TSPAN19: variants seen among roughly 807,000 people sequenced by gnomAD.
TSPAN19 encodes tetraspanin 19, also known as tetraspanin-19.
Under a neutral mutation model 35.1 loss-of-function variants are expected in TSPAN19, and 44 were observed. The observed-to-expected ratio is 1.25, with a 90% CI of 0.98 to 1.61. The LOEUF (loss-of-function observed/expected upper bound fraction) is 1.61, where lower values mean the gene tolerates loss of function less well. Among genes scored for constraint, TSPAN19 ranks in the 40% most tolerant of loss-of-function variants. The pLI is 0.00. For missense variants in TSPAN19, 290 were observed against 280.0 expected (o/e 1.04, Z -0.26); for synonymous variants, 79 against 92.0 (o/e 0.86, Z 0.81).
intron 4 of TSPAN19, among the ~76,000 whole-genome samples, chr12:85,027,116 C>T (rs1877454511): frequency 6.6e-6 from 1 of 152,088 alleles, no homozygotes; most frequent in Non-Finnish European, 1.5e-5. Flanking sequence ...CAAGTCAGTA[C>T]TCTGGAATAT....
At chr12:85,014,952 A>G (rs1356291503) in intron 8 of TSPAN19, 1 of 155,604 alleles carries the variant, frequency 6.4e-6, no homozygotes, top group Non-Finnish European at 1.4e-5. Flanking sequence ...TAAAGGGCAG[A>G]AGATAAAATG....
At chr12:85,019,604 T>C in intron 6 of TSPAN19, 22 bp downstream of exon 6, 1 of 1,467,110 alleles carries the variant, frequency 6.8e-7, no homozygotes, top group South Asian at 1.1e-5. Context: ...GACATCTAAT[T>C]TTTTAGTTAA....
At chr12:85,032,465 G>C (rs1877730563) in intron 1 of TSPAN19, among the ~76,000 whole-genome samples, 1 of 152,152 alleles carries the variant, frequency 6.6e-6, no homozygotes, top group Admixed American at 6.6e-5. Context: ...ACATGGTATA[G>C]AAGTCAAAAG....
At chr12:85,034,191 C>T (rs543078362) in intron 1 of TSPAN19, among the ~76,000 whole-genome samples, 34 of 152,218 alleles carry the variant, frequency 2.2e-4, no homozygotes, top group African/African-American at 8.2e-4. Context: ...ATTACTTTTA[C>T]TCAATAATTA....
In TSPAN19 at chr12:85,023,365, C is replaced by A; in HGVS notation, c.300G>T (p.Gln100His). 6.3e-7 allele frequency: 1 copy of A among 1,589,318 alleles called. No individual in the cohort carries two copies. Among genetic ancestry groups the A allele is most frequent in the East Asian group, 2.3e-5 (1 of 44,162 alleles). The change falls in exon 5 of 9, where the codon CAG becomes CAT. Residue 100 changes from glutamine (Q) to histidine (H), a missense_variant. Physicochemically the swap from Gln to His is conservative, Grantham distance 24. Transcript: ENST00000532498. ...TGATGATGAATGCTGAAAGTACAAC[C>A]TGAACAGCAAAGGTCCATGTTATCA... ...AVLITWTFAV[Q>H]VVLSAFIITK...
rs538336759 is a variant in TSPAN19 at position 85,033,405 on chromosome 12, C to G, written c.-28+2799G>C. On this transcript the variant is annotated intron_variant, in intron 1 of 8. Coordinates refer to ENST00000532498, the MANE Select transcript of TSPAN19 (RefSeq NM_001100917.2). ...CGTAATTCTGGCCTCAATGTGGAAGCCAAATTAGAAAAGACACTTAAGATA... is the reference window on the plus strand; with the variant it reads ...CGTAATTCTGGCCTCAATGTGGAAGGCAAATTAGAAAAGACACTTAAGATA... 2.6e-5 allele frequency among the ~76,000 whole-genome samples: 4 copies of G among 151,396 alleles called. No individual in the cohort carries two copies. The East Asian group carries it at 7.8e-4, about 29-fold the overall frequency.
intron 5 of TSPAN19, among the ~76,000 whole-genome samples, chr12:85,019,951 T>C (rs542108400): frequency 1.3e-5 from 2 of 152,074 alleles, no homozygotes; most frequent in Admixed American, 1.3e-4. Flanking sequence ...GAAGAATATA[T>C]TAGGCTCATT....
At chr12:85,035,442 CAT>C (rs1396181527) in intron 1 of TSPAN19, among the ~76,000 whole-genome samples, 5 of 152,050 alleles carry the variant, frequency 3.3e-5, no homozygotes, top group African/African-American at 7.2e-5. Flanking sequence ...AGGAAACTAA[CAT>C]GTGTGCTTTT....
chr12:85,024,751 T>TGGGCCAC, intron 4 of TSPAN19: 1 of 146,680 alleles, frequency 6.8e-6, no homozygotes, highest in Non-Finnish European at 1.5e-5. Context: ...CACTCCAGCC[T>TGGGCCAC]AGTGACAGAG....
Position 85,029,976 on chromosome 12 carries a change from G to A in TSPAN19, c.-27-3C>T, listed in dbSNP as rs1877609984. On this transcript the variant is annotated splice_polypyrimidine_tract_variant and splice_region_variant and intron_variant, in intron 1 of 8. Transcript: ENST00000532498. ...TTTCTTCCAAGATATTGATGATTCT[G>A]AAAAGACAACCATAACTTTTTAAAC... The A allele has an allele frequency of 1.4e-6, 2 of 1,398,914 alleles. No homozygotes were observed. Among genetic ancestry groups the A allele is most frequent in the Admixed American group, 2.7e-5 (1 of 36,726 alleles). 86.7% of individuals were successfully genotyped at this position (1,398,914 alleles called of 1,614,324 possible). A position where few individuals can be genotyped will look rare whatever the true frequency, so the allele number is the denominator to read the frequency against.
chr12:85,027,837 G>A, intron 4 of TSPAN19, 62 bp downstream of exon 4: 8 of 1,455,100 alleles, frequency 5.5e-6, no homozygotes, highest in Admixed American at 2.3e-5. Flanking sequence ...GTATTCATTT[G>A]TGTAACTTAG....
intron 3 of TSPAN19, 118 bp from the exon 4 acceptor site, chr12:85,028,141 C>A: frequency 1.3e-6 from 1 of 771,438 alleles, no homozygotes; most frequent in Non-Finnish European, 1.9e-6. Context: ...CAGCTGTTGC[C>A]AAACCACTAG....
intron 5 of TSPAN19, among the ~76,000 whole-genome samples, chr12:85,022,075 G>A (rs1054383058): frequency 6.6e-6 from 1 of 151,986 alleles, no homozygotes; most frequent in East Asian, 1.9e-4. Context: ...CATATTGATA[G>A]CTCTTATGTG....
chr12:85,027,914 T>A lies in TSPAN19; in HGVS notation c.249A>T (p.Arg83Ser), dbSNP rs745411205. 2 of 1,578,566 alleles carry A rather than the reference T, an allele frequency of 1.3e-6. No homozygotes were observed. The highest frequency in any genetic ancestry group is 1.7e-6 in the Non-Finnish European group (2 of 1,162,774). ...LGYIGIHNEI[R>S]WLLIVYAVLI... ...AAATACGTACCACAATTAGGAGCCA[T>A]CTGATTTCGTTGTGAATTCCTATAT... Residue 83 changes from arginine (R) to serine (S), a missense_variant, in exon 4 of 9, where the codon AGA (arginine) becomes AGT (serine). Physicochemically the swap from Arg to Ser is moderately radical, Grantham distance 110 (BLOSUM62 -1). Coordinates refer to ENST00000532498, the MANE Select transcript of TSPAN19 (RefSeq NM_001100917.2).
intron 3 of TSPAN19, among the ~76,000 whole-genome samples, chr12:85,028,272 T>A (rs1189190063): frequency 6.6e-6 from 1 of 152,166 alleles, no homozygotes; most frequent in African/African-American, 2.4e-5. Context: ...AAGATCGCTT[T>A]ACCCTTATCC....
At chr12:85,031,412 A>C (rs1260228110) in intron 1 of TSPAN19, among the ~76,000 whole-genome samples, 1 of 152,134 alleles carries the variant, frequency 6.6e-6, no homozygotes, top group African/African-American at 2.4e-5. Context: ...GAAGATAGGC[A>C]CAAGGTCTTG....
At chr12:85,023,529 C>A in intron 4 of TSPAN19, 129 bp from the exon 5 acceptor site, 1 of 597,768 alleles carries the variant, frequency 1.7e-6, no homozygotes, top group Non-Finnish European at 2.7e-6. Flanking sequence ...GCTGAGGCTT[C>A]CTGCCTTCAC....
At chr12:85,027,151 C>A (rs958975020) in intron 4 of TSPAN19, among the ~76,000 whole-genome samples, 1 of 152,100 alleles carries the variant, frequency 6.6e-6, no homozygotes, top group African/African-American at 2.4e-5. Context: ...CGTTACAAGC[C>A]TCGAGAGAAA....
intron 5 of TSPAN19, among the ~76,000 whole-genome samples, chr12:85,022,680 T>C (rs1429426994): frequency 3.3e-5 from 5 of 152,144 alleles, no homozygotes; most frequent in Non-Finnish European, 2.9e-5. Context: ...CATTTTACTA[T>C]AGGACAATTA....
Sources: gnomAD v4.1 joint callset for allele counts (sites outside exome capture counted in the v4.1 genomes callset) on GRCh38, gnomAD v4.1.1 for gene constraint, MANE v1.5 for transcripts, NCBI Gene and HGNC (gene_info 2026-07-23, HGNC 2026-07-21) for gene names.